DAPK1: variants seen among roughly 807,000 people sequenced by gnomAD.
DAPK1 encodes death-associated protein kinase 1.
DAPK1 carries 56 observed loss-of-function variants against 144.9 expected under a neutral mutation model. The ratio of observed to expected loss-of-function variants is 0.39; its 90% confidence interval spans 0.31 to 0.48. The LOEUF (loss-of-function observed/expected upper bound fraction) is 0.48, where lower values mean the gene tolerates loss of function less well. Among genes scored for constraint, DAPK1 ranks in the 20% least tolerant of loss-of-function variants. The pLI is 0.95. For synonymous variants in DAPK1, 690 were observed against 749.0 expected, an observed-to-expected ratio of 0.92 and a Z score of 1.29; for missense variants, 1,454 against 1,875.4, an observed-to-expected ratio of 0.78 and a Z score of 4.15.
At chr9:87,527,247 C>G (rs1327104527) in intron 2 of DAPK1, among the ~76,000 whole-genome samples, 3 of 152,204 alleles carry the variant, frequency 2.0e-5, no homozygotes, top group Admixed American at 2.0e-4. Context: ...TGCTCTTGAG[C>G]ATTGTACGTC....
At chr9:87,681,674 C>T (rs766306104) in intron 20 of DAPK1, 48 bp downstream of exon 20, 102 of 939,070 alleles carry the variant, frequency 1.1e-4, no homozygotes, top group Non-Finnish European at 1.5e-4. Context: ...TGTTGGCTTC[C>T]GCACTCTCTC....
rs771023885 is a variant in DAPK1, at chr9:87,571,476, A to ACACAC, written c.63-33478_63-33477insCACAC. On this transcript the variant is annotated intron_variant, in intron 2 of 25. Transcript: ENST00000408954. ...ACACACACACACACACACACACACC[A>ACACAC]ACACACACACACACACACCCCAACA... Among the ~76,000 whole-genome samples, 34 of 48,558 alleles carry ACACAC rather than the reference A, an allele frequency of 7.0e-4. 3 individuals carry two copies. The highest frequency in any genetic ancestry group is 1.0e-3 in the Non-Finnish European group (27 of 26,902). The allele number at this position is 48,558 out of a possible 152,430, so 31.9% of individuals were successfully genotyped here.
intron 2 of DAPK1, among the ~76,000 whole-genome samples, chr9:87,555,393 T>G (rs1826671372): frequency 6.6e-6 from 1 of 152,168 alleles, no homozygotes; most frequent in East Asian, 1.9e-4. Flanking sequence ...TAGATGAGAA[T>G]GACACCCTGG....
chr9:87,545,640 G>A (rs1250926268), intron 2 of DAPK1, among the ~76,000 whole-genome samples: 2 of 152,076 alleles, frequency 1.3e-5, no homozygotes, highest in South Asian at 2.1e-4. Flanking sequence ...TCTGCCTCCC[G>A]GGTTCCAGCG....
intron 3 of DAPK1, among the ~76,000 whole-genome samples, chr9:87,614,218 G>A (rs186773164): frequency 4.7e-4 from 71 of 152,218 alleles, no homozygotes; most frequent in Admixed American, 2.4e-3. Flanking sequence ...ATTTCTGCAC[G>A]GTCTTAAGAA....
intron 2 of DAPK1, among the ~76,000 whole-genome samples, chr9:87,512,347 C>T (rs1824879719): frequency 6.6e-6 from 1 of 152,060 alleles, no homozygotes; most frequent in South Asian, 2.1e-4. Context: ...ACACCTGAGT[C>T]CCTGACCAAG....
At chr9:87,578,008 A>G (rs745969540) in intron 2 of DAPK1, among the ~76,000 whole-genome samples, 5 of 152,148 alleles carry the variant, frequency 3.3e-5, no homozygotes, top group Admixed American at 2.0e-4. Context: ...CCCACAGGCC[A>G]TAGAACATTT....
intron 3 of DAPK1, among the ~76,000 whole-genome samples, chr9:87,630,286 A>G (rs1467112000): frequency 1.3e-5 from 2 of 152,256 alleles, no homozygotes; most frequent in Non-Finnish European, 2.9e-5. Flanking sequence ...AATTTATAAA[A>G]TGTATTACAT....
intron 3 of DAPK1, chr9:87,633,385 C>A: frequency 2.0e-6 from 2 of 985,100 alleles, no homozygotes; most frequent in Non-Finnish European, 2.4e-6. Flanking sequence ...ATACATAGGG[C>A]CTTCTGGGCA....
chr9:87,649,946 C>T lies in DAPK1; in HGVS notation c.1454C>T (p.Ala485Val). 6.2e-7 allele frequency: 1 copy of T among 1,614,198 alleles called. No homozygotes were observed. The highest frequency in any genetic ancestry group is 1.3e-5 in the African/African-American group (1 of 75,060). Residue 485 changes from alanine (A) to valine (V), a missense_variant, in exon 16 of 26, where the codon GCT (alanine) becomes GTT (valine). Transcript: ENST00000408954. ...GAAGAAGAAACCCCCCTGCACTGTG[C>T]TGCTTGGCACGGCTATTACTCTGTG... Reference protein sequence around the residue: ...DKEEETPLHCAAWHGYYSVAK... With the variant: ...DKEEETPLHCVAWHGYYSVAK...
intron 18 of DAPK1, among the ~76,000 whole-genome samples, chr9:87,658,958 T>C (rs2119220337): frequency 6.6e-6 from 1 of 152,336 alleles, no homozygotes; most frequent in South Asian, 2.1e-4. Context: ...CCACGGGCCA[T>C]ATCCCGCTGC....
intron 3 of DAPK1, among the ~76,000 whole-genome samples, chr9:87,610,313 C>G (rs910842196): frequency 5.3e-5 from 8 of 152,220 alleles, no homozygotes; most frequent in Non-Finnish European, 1.2e-4. Flanking sequence ...GAAGTCGTGC[C>G]AATACCAAAA....
At chr9:87,547,955 T>A (rs887403711) in intron 2 of DAPK1, among the ~76,000 whole-genome samples, 2 of 152,170 alleles carry the variant, frequency 1.3e-5, no homozygotes, top group African/African-American at 4.8e-5. Context: ...GGTTGACACA[T>A]AAAGTGAGTC....
chr9:87,610,149 G>T (rs372319574), intron 3 of DAPK1, among the ~76,000 whole-genome samples: 281 of 152,288 alleles, frequency 1.8e-3, no homozygotes, highest in African/African-American at 6.5e-3. Context: ...CGCTTTAAAG[G>T]CATATGTTTT....
chr9:87,521,594 G>A (rs2032632572), intron 2 of DAPK1, among the ~76,000 whole-genome samples: 1 of 152,230 alleles, frequency 6.6e-6, no homozygotes, highest in African/African-American at 2.4e-5. Context: ...CCGCTAGGAT[G>A]TCAGCACTGG....
chr9:87,599,476 G>A (rs776816427), intron 2 of DAPK1, among the ~76,000 whole-genome samples: 13 of 152,088 alleles, frequency 8.5e-5, no homozygotes, highest in Non-Finnish European at 1.8e-4. Context: ...CCTTTTCGCC[G>A]TGCGTTTCCT....
intron 2 of DAPK1, among the ~76,000 whole-genome samples, chr9:87,555,725 A>G (rs1826689437): frequency 6.6e-6 from 1 of 152,056 alleles, no homozygotes; most frequent in African/African-American, 2.4e-5. Context: ...CTGGTCTCGA[A>G]CTCCCGACCT....
intron 2 of DAPK1, among the ~76,000 whole-genome samples, chr9:87,522,877 G>A (rs1825351161): frequency 6.6e-6 from 1 of 152,174 alleles, no homozygotes; most frequent in African/African-American, 2.4e-5. Flanking sequence ...GTATGTTTAA[G>A]AACTATTTGT....
intron 2 of DAPK1, among the ~76,000 whole-genome samples, chr9:87,551,202 C>T (rs1826470814): frequency 6.6e-6 from 1 of 151,776 alleles, no homozygotes; most frequent in Non-Finnish European, 1.5e-5. Flanking sequence ...GGCTGGAGTG[C>T]AGTGGTGCGA....
Sources: gnomAD v4.1 joint callset for allele counts (sites outside exome capture counted in the v4.1 genomes callset) on GRCh38, gnomAD v4.1.1 for gene constraint, MANE v1.5 for transcripts, NCBI Gene and HGNC (gene_info 2026-07-23, HGNC 2026-07-21) for gene names.